Variants in EEFSEC observed in about 807,000 individuals in gnomAD.
The protein encoded by EEFSEC is selenocysteine-specific elongation factor.
EEFSEC carries 43 observed loss-of-function variants against 42.1 expected under a neutral mutation model. The ratio of observed to expected loss-of-function variants is 1.02; its 90% CI spans 0.80 to 1.32. The LOEUF is 1.32. Among genes scored for constraint, EEFSEC ranks in the 40% most tolerant of loss-of-function variants. The probability of loss-of-function intolerance (pLI) is 0.00; values close to 1 mark genes in which losing one functional copy is unlikely to be tolerated. For synonymous variants in EEFSEC, 354 were observed against 339.1 expected (o/e 1.04, Z -0.48); for missense variants, 745 against 803.6 (o/e 0.93, Z 0.88).
intron 5 of EEFSEC, among the ~76,000 whole-genome samples, chr3:128,343,120 C>A (rs990387495): frequency 2.0e-4 from 31 of 152,324 alleles, no homozygotes; most frequent in African/African-American, 7.0e-4. Flanking sequence ...CTCACAGGAG[C>A]CTGATGAGGT....
At chr3:128,184,572 A>G (rs1269919288) in intron 1 of EEFSEC, among the ~76,000 whole-genome samples, 1 of 152,240 alleles carries the variant, frequency 6.6e-6, no homozygotes, top group East Asian at 1.9e-4. Context: ...TAGGGTAAGT[A>G]TGTAAGTATC....
At chr3:128,180,565 G>C (rs2065395186) in intron 1 of EEFSEC, among the ~76,000 whole-genome samples, 1 of 152,238 alleles carries the variant, frequency 6.6e-6, no homozygotes, top group African/African-American at 2.4e-5. Context: ...TTAAAGAGTT[G>C]TGAGGATGGT....
chr3:128,322,605 G>A (rs897637800), intron 4 of EEFSEC, among the ~76,000 whole-genome samples: 7 of 152,336 alleles, frequency 4.6e-5, no homozygotes, highest in Middle Eastern at 3.4e-3. Context: ...AGTCCCATCC[G>A]TTAATGCATT....
At position 128,248,646 on chromosome 3, in the gene EEFSEC, C is replaced by T. The variant is rs1478925374; in HGVS notation, c.524+1603C>T. ...TCTCCCTGTCGTTTTATTTACTTGT[C>T]AGAAAAGGAAGAACAGGTCTTTTGG... On this transcript the variant is annotated intron_variant, in intron 2 of 6. Transcript: ENST00000254730. 3.3e-5 allele frequency among the ~76,000 whole-genome samples: 5 copies of T among 151,902 alleles called. No individual in the cohort carries two copies. In the East Asian group the frequency reaches 9.7e-4, roughly 30 times the overall value.
At chr3:128,411,426 C>G (rs1052266839), downstream of EEFSEC, among the ~76,000 whole-genome samples, 1 of 152,226 alleles carries the variant, frequency 6.6e-6, no homozygotes, top group African/African-American at 2.4e-5. Flanking sequence ...TGCAGCTGCC[C>G]CAGATAGAGC....
At chr3:128,416,457 T>G in the EEFSEC span, among the ~76,000 whole-genome samples, 1 of 152,110 alleles carries the variant, frequency 6.6e-6, no homozygotes, top group Non-Finnish European at 1.5e-5. Context: ...CCGTCTCTGC[T>G]CGGCCATGCC....
chr3:128,159,212 G>A (rs1333939821), intron 1 of EEFSEC, among the ~76,000 whole-genome samples: 2 of 152,140 alleles, frequency 1.3e-5, no homozygotes, highest in African/African-American at 4.8e-5. Context: ...TGGTGGGAGT[G>A]TTAGTTAGCC....
intron 6 of EEFSEC, among the ~76,000 whole-genome samples, chr3:128,392,895 C>T (rs2067932892): frequency 1.3e-5 from 2 of 152,198 alleles, no homozygotes; most frequent in African/African-American, 4.8e-5. Flanking sequence ...TGGGTACAGC[C>T]CCCTCCCCAG....
rs117291011 is a variant in EEFSEC, at chr3:128,233,825, G to A, written c.317-13011G>A. On this transcript the variant is annotated intron_variant, in intron 1 of 6. Coordinates refer to ENST00000254730, the MANE Select transcript of EEFSEC (RefSeq NM_021937.5). ...TCCAGTCCTCCAGTTTGTTAGCTGT[G>A]TGACTGAGGGCAAGTCACTTCAGAT... Among the ~76,000 whole-genome samples the A allele has an allele frequency of 2.0e-5, 3 of 152,302 alleles. No individual in the cohort carries two copies. In the East Asian group the frequency reaches 5.8e-4, roughly 29 times the overall value.
Position 128,262,127 on chromosome 3 carries a change from G to C in EEFSEC, c.525-1G>C. The C allele has an allele frequency of 1.2e-6, 2 of 1,613,978 alleles. No homozygotes were observed. Among genetic ancestry groups the C allele is most frequent in the Non-Finnish European group, 1.7e-6 (2 of 1,179,960 alleles). On this transcript the variant is annotated splice_acceptor_variant, in intron 2 of 6. Transcript: ENST00000254730. LOFTEE classifies it high-confidence loss of function. The stretch of plus-strand genomic sequence containing the variant: ...GTGATGGGACTTATTTTCCATTTCA[G>C]GTTCCGAGGTGCACCGATTATACCC...
At chr3:128,327,302 C>T (rs1032813759) in intron 4 of EEFSEC, among the ~76,000 whole-genome samples, 45 of 131,334 alleles carry the variant, frequency 3.4e-4, no homozygotes, top group Admixed American at 9.4e-4. Flanking sequence ...CCCCCCCCCC[C>T]CAAGGTTGTC....
At chr3:128,362,319 A>G (rs543324995) in intron 6 of EEFSEC, 7 of 475,454 alleles carry the variant, frequency 1.5e-5, no homozygotes, top group Middle Eastern at 7.8e-4. Context: ...ATGACTCCCA[A>G]CTGGAGAAGA....
At chr3:128,182,374 A>T (rs1289109765) in intron 1 of EEFSEC, among the ~76,000 whole-genome samples, 1 of 152,070 alleles carries the variant, frequency 6.6e-6, no homozygotes, top group Non-Finnish European at 1.5e-5. Flanking sequence ...AAAAAGTATT[A>T]CATTTTGGAT....
intron 1 of EEFSEC, among the ~76,000 whole-genome samples, chr3:128,199,731 T>C (rs1217055155): frequency 3.3e-5 from 5 of 152,196 alleles, no homozygotes; most frequent in African/African-American, 1.2e-4. Flanking sequence ...TTGTCTGTTT[T>C]ATAAAAATAA....
chr3:128,263,023 G>C (rs985857861), intron 3 of EEFSEC, among the ~76,000 whole-genome samples: 1 of 152,184 alleles, frequency 6.6e-6, no homozygotes. Flanking sequence ...CCTTCACTTG[G>C]AAGATAATAG....
intron 1 of EEFSEC, among the ~76,000 whole-genome samples, chr3:128,221,561 G>A (rs549766167): frequency 2.0e-5 from 3 of 152,324 alleles, no homozygotes; most frequent in East Asian, 1.9e-4. Flanking sequence ...CATAGAAACT[G>A]GTGACTCCTT....
chr3:128,246,766 G>A, intron 1 of EEFSEC, 70 bp from the exon 2 acceptor site: 2 of 1,534,406 alleles, frequency 1.3e-6, no homozygotes, highest in Non-Finnish European at 1.8e-6. Context: ...TTTGACCTGG[G>A]GCATTGGGCA....
chr3:128,359,868 C>T (rs2107591197), intron 6 of EEFSEC, among the ~76,000 whole-genome samples: 1 of 152,298 alleles, frequency 6.6e-6, no homozygotes, highest in Admixed American at 6.5e-5. Flanking sequence ...AGCTGGAAAA[C>T]AGAGACCCCA....
intron 4 of EEFSEC, among the ~76,000 whole-genome samples, chr3:128,310,331 C>T (rs1018162807): frequency 1.3e-5 from 2 of 152,236 alleles, no homozygotes; most frequent in East Asian, 1.9e-4. Context: ...CAACCATCTC[C>T]GCATCTTTCA....
Sources: allele counts gnomAD v4.1 joint callset (sites outside exome capture counted in the v4.1 genomes callset), GRCh38; gene constraint gnomAD v4.1.1; transcripts MANE v1.5; gene names NCBI Gene and HGNC (gene_info 2026-07-23, HGNC 2026-07-21).